Variants in MYOM2 observed in about 807,000 individuals in gnomAD.
The protein encoded by MYOM2 is myomesin 2.
MYOM2 carries 254 observed loss-of-function variants against 187.6 expected under a neutral mutation model. The ratio of observed to expected loss-of-function variants is 1.35; its 90% CI spans 1.22 to 1.50. MYOM2 has a LOEUF of 1.50. Among genes scored for constraint, MYOM2 ranks in the 40% most tolerant of loss-of-function variants. MYOM2 has a pLI of 0.00. For synonymous variants in MYOM2, 981 were observed against 753.8 expected (o/e 1.30, Z -4.94); for missense variants, 2,796 against 1,924.0 (o/e 1.45, Z -8.48).
rs1172119586 is a variant in MYOM2 at position 2,085,588 on chromosome 8, C to T, written c.1644+198C>T. ...CGTGGCCCCACTGTTGTGATCTCTG[C>T]GTGGCCCCACTGTCGTGATCTCTGC... On this transcript the variant is annotated intron_variant, in intron 14 of 36. Coordinates refer to ENST00000262113, the MANE Select transcript of MYOM2 (RefSeq NM_003970.4). Among the ~76,000 whole-genome samples the T allele has an allele frequency of 1.9e-3, 19 of 9,954 alleles. 6 individuals carry two copies. Among genetic ancestry groups the T allele is most frequent in the African/African-American group, 8.0e-3 (6 of 750 alleles). 6.5% of individuals were successfully genotyped at this position (9,954 alleles called of 152,430 possible). A position where few individuals can be genotyped will look rare whatever the true frequency, so the allele number is the denominator to read the frequency against.
intron 15 of MYOM2, 134 bp downstream of exon 15, chr8:2,090,325 T>A (rs922764216): frequency 1.3e-6 from 1 of 770,684 alleles, no homozygotes; most frequent in African/African-American, 1.8e-5. Context: ...AAAACTTCAC[T>A]TTACGAGAGA....
intron 36 of MYOM2, among the ~76,000 whole-genome samples, chr8:2,144,033 C>T (rs1798370682): frequency 6.6e-6 from 1 of 152,320 alleles, no homozygotes; most frequent in Middle Eastern, 3.4e-3. Flanking sequence ...AACTCAATGT[C>T]ACAGGGACAG....
chr8:2,101,736 GT>G (rs1373731045), intron 20 of MYOM2, among the ~76,000 whole-genome samples: 1 of 152,212 alleles, frequency 6.6e-6, no homozygotes, highest in Non-Finnish European at 1.5e-5. Context: ...ATTGTATTAT[GT>G]CCTTCCACTT....
intron 18 of MYOM2, 87 bp downstream of exon 18, chr8:2,096,521 T>TC: frequency 7.7e-7 from 1 of 1,302,024 alleles, no homozygotes. Context: ...TGACATTAGA[T>TC]AGTTTGATAC....
intron 25 of MYOM2, among the ~76,000 whole-genome samples, chr8:2,112,249 G>C (rs1797091208): frequency 6.6e-6 from 1 of 152,166 alleles, no homozygotes; most frequent in Non-Finnish European, 1.5e-5. Context: ...AGAGAAGAAA[G>C]ATAGAACCCA....
At chr8:2,074,608 C>T (rs549049371) in intron 10 of MYOM2, among the ~76,000 whole-genome samples, 1 of 152,270 alleles carries the variant, frequency 6.6e-6, no homozygotes, top group African/African-American at 2.4e-5. Context: ...GCATGTACCA[C>T]CACGCCCGGC....
At chr8:2,112,512 C>A (rs947983346) in intron 25 of MYOM2, among the ~76,000 whole-genome samples, 12 of 151,770 alleles carry the variant, frequency 7.9e-5, no homozygotes, top group African/African-American at 2.9e-4. Flanking sequence ...GGGGTGGGCT[C>A]AACGGAGGGG....
chr8:2,129,991 A>G (rs1797797529), intron 32 of MYOM2, among the ~76,000 whole-genome samples: 1 of 151,930 alleles, frequency 6.6e-6, no homozygotes, highest in Admixed American at 6.6e-5. Context: ...CTTTTTAACG[A>G]TCTCTTCGCT....
At chr8:2,126,377 T>G (rs13268766) in intron 31 of MYOM2, among the ~76,000 whole-genome samples, 19 of 147,526 alleles carry the variant, frequency 1.3e-4, no homozygotes, top group Admixed American at 7.5e-4. Context: ...CACACTCACA[T>G]CCCCACACTC....
intron 6 of MYOM2, among the ~76,000 whole-genome samples, chr8:2,062,109 A>G (rs1948672343): frequency 6.6e-6 from 1 of 152,162 alleles, no homozygotes; most frequent in Non-Finnish European, 1.5e-5. Context: ...CCTGGCACAA[A>G]GGCTCTGAGA....
chr8:2,091,454 A>G (rs1430503207), intron 15 of MYOM2, among the ~76,000 whole-genome samples: 1 of 152,164 alleles, frequency 6.6e-6, no homozygotes, highest in East Asian at 1.9e-4. Flanking sequence ...TCCTTCGTGG[A>G]TGGCAGTTAA....
At chr8:2,116,333 G>T in intron 27 of MYOM2, 58 bp downstream of exon 27, 1 of 1,501,066 alleles carries the variant, frequency 6.7e-7, no homozygotes, top group Non-Finnish European at 9.1e-7. Context: ...AAGATGATTG[G>T]AGTATTTGTC....
At chr8:2,119,190 A>G (rs547429552) in intron 28 of MYOM2, 1 of 152,502 alleles carries the variant, frequency 6.6e-6, no homozygotes, top group East Asian at 1.9e-4. Flanking sequence ...GATTCATGAG[A>G]TATCGTGTGT....
At chr8:2,138,010 A>G (rs974488419) in intron 32 of MYOM2, among the ~76,000 whole-genome samples, 3 of 152,176 alleles carry the variant, frequency 2.0e-5, no homozygotes, top group African/African-American at 7.2e-5. Context: ...TCTTTTCTGC[A>G]GAGCTGAGAA....
At chr8:2,092,080 G>GT (rs1191221867) in intron 15 of MYOM2, among the ~76,000 whole-genome samples, 129,194 of 152,050 alleles carry the variant, frequency 0.85, 55,347 homozygotes, top group South Asian at 0.94. Context: ...GCTCTGATGG[G>GT]AGACAGGAGG....
At chr8:2,080,427 TAG>T (rs765400132) in intron 13 of MYOM2, among the ~76,000 whole-genome samples, 107 of 152,344 alleles carry the variant, frequency 7.0e-4, no homozygotes, top group Non-Finnish European at 1.1e-3. Flanking sequence ...GATTTTTCTC[TAG>T]GATCTCAAAA....
Position 2,092,458 on chromosome 8 carries a change from C to T in MYOM2, c.1941C>T (p.Asp647=). ...HEEDLLGYYV[D]CCVAGTNLWE... is the part of the protein sequence containing the mutation. ...AGGACCTGCTGGGCTACTACGTGGACTGCTGTGTGGCCGGAACCAACCTCT... is the reference window on the plus strand; with the variant it reads ...AGGACCTGCTGGGCTACTACGTGGATTGCTGTGTGGCCGGAACCAACCTCT... The change falls in exon 16 of 37, where the codon GAC becomes GAT. Residue 647 remains aspartate, a synonymous_variant. Transcript: ENST00000262113. The T allele has an allele frequency of 6.2e-7, 1 of 1,614,174 alleles. No individual in the cohort carries two copies. The highest frequency in any genetic ancestry group is 1.1e-5 in the South Asian group (1 of 91,090).
intron 36 of MYOM2, 114 bp from the exon 37 acceptor site, chr8:2,144,550 G>A (rs112030966): frequency 4.6e-6 from 5 of 1,090,664 alleles, no homozygotes; most frequent in African/African-American, 1.6e-5. Context: ...CTAAACAAAC[G>A]ATTGAAGGAC....
Position 2,068,106 on chromosome 8 carries a change from C to T in MYOM2, c.654-1172C>T, listed in dbSNP as rs150720805. Among the ~76,000 whole-genome samples the T allele has an allele frequency of 7.2e-4, 109 of 152,074 alleles. 1 individual carries two copies. The East Asian group carries it at 0.011, about 15-fold the overall frequency. On this transcript the variant is annotated intron_variant, in intron 6 of 36. Coordinates refer to ENST00000262113, the MANE Select transcript of MYOM2 (RefSeq NM_003970.4). ...ATTAAAGGATGGAGAGCATCGTGGG[C>T]GCAGCTCTTCAATGCTCGTGTGCGC... is the stretch of plus-strand genomic sequence containing the variant.
Sources: gnomAD v4.1 joint callset for allele counts (sites outside exome capture counted in the v4.1 genomes callset) on GRCh38, gnomAD v4.1.1 for gene constraint, MANE v1.5 for transcripts, NCBI Gene and HGNC (gene_info 2026-07-23, HGNC 2026-07-21) for gene names.